The following CNTN4 variants were observed in gnomAD, a reference collection of about 807,000 sequenced individuals.
CNTN4 encodes contactin 4, also known as contactin-4.
CNTN4 carries 77 observed loss-of-function variants against 122.5 expected under a neutral mutation model. The ratio of observed to expected loss-of-function variants is 0.63; its 90% CI spans 0.52 to 0.76. The LOEUF is 0.76. CNTN4 is among the 30% of genes least tolerant of loss of function. The pLI, the probability that CNTN4 is intolerant of heterozygous loss-of-function variation, is 0.00. For missense variants in CNTN4, 1,256 were observed against 1,259.1 expected (o/e 1.00, Z 0.04); for synonymous variants, 512 against 447.0 (o/e 1.15, Z -1.83).
At chr3:2,276,149 C>A (rs1440807820) in intron 2 of CNTN4, among the ~76,000 whole-genome samples, 1 of 151,516 alleles carries the variant, frequency 6.6e-6, no homozygotes, top group Admixed American at 6.6e-5. Context: ...TTTTGAATAT[C>A]TTTTTGCTTA....
chr3:2,918,654 GTTTTA>G (rs2094395137), intron 12 of CNTN4, among the ~76,000 whole-genome samples: 1 of 152,122 alleles, frequency 6.6e-6, no homozygotes. Flanking sequence ...ATTCTTTGGT[GTTTTA>G]TTTTATTGTT....
chr3:2,759,673 T>C (rs1431687039), intron 6 of CNTN4, among the ~76,000 whole-genome samples: 2 of 151,964 alleles, frequency 1.3e-5, no homozygotes, highest in African/African-American at 4.8e-5. Context: ...TTACTGTATG[T>C]TTAACATACA....
At chr3:2,436,292 A>C (rs1403117398) in intron 3 of CNTN4, among the ~76,000 whole-genome samples, 1 of 152,158 alleles carries the variant, frequency 6.6e-6, no homozygotes, top group East Asian at 1.9e-4. Context: ...AAAGGAAGAT[A>C]ATGCCATCCA....
intron 2 of CNTN4, among the ~76,000 whole-genome samples, chr3:2,216,363 C>T (rs2038841566): frequency 6.6e-6 from 1 of 152,024 alleles, no homozygotes; most frequent in South Asian, 2.1e-4. Context: ...GATGTGGAAA[C>T]AACAGACACT....
At chr3:2,909,862 G>A (rs1011589659) in intron 12 of CNTN4, among the ~76,000 whole-genome samples, 2 of 152,182 alleles carry the variant, frequency 1.3e-5, no homozygotes, top group African/African-American at 4.8e-5. Context: ...TGTTGATGCT[G>A]ATGCTGCTTA....
At chr3:2,316,473 A>G (rs1224631009) in intron 2 of CNTN4, among the ~76,000 whole-genome samples, 1 of 152,136 alleles carries the variant, frequency 6.6e-6, no homozygotes, top group Non-Finnish European at 1.5e-5. Flanking sequence ...TATTGAACTA[A>G]TTTAAATAGA....
intron 7 of CNTN4, among the ~76,000 whole-genome samples, chr3:2,820,356 G>C (rs1049334266): frequency 6.6e-6 from 1 of 152,202 alleles, no homozygotes; most frequent in Non-Finnish European, 1.5e-5. Flanking sequence ...AACATATAGA[G>C]AGAGTGAGGT....
intron 12 of CNTN4, 121 bp from the exon 13 acceptor site, chr3:2,925,508 G>A (rs1257745981): frequency 2.9e-5 from 31 of 1,059,578 alleles, no homozygotes; most frequent in Non-Finnish European, 4.0e-5. Flanking sequence ...AGCCAAGATT[G>A]CACCACTGCA....
At chr3:2,941,424 C>T (rs933121175) in intron 13 of CNTN4, among the ~76,000 whole-genome samples, 7 of 152,200 alleles carry the variant, frequency 4.6e-5, no homozygotes, top group Admixed American at 1.3e-4. Flanking sequence ...AGAAGGAACT[C>T]ACTCCTGCCA....
At chr3:2,687,347 A>C (rs1227043192) in intron 4 of CNTN4, among the ~76,000 whole-genome samples, 1 of 24,378 alleles carries the variant, frequency 4.1e-5, no homozygotes, top group Non-Finnish European at 8.9e-5. Flanking sequence ...TGTCTTCTGT[A>C]GACATTTTAA....
chr3:2,946,188 C>T lies in CNTN4; in HGVS notation c.1358+20409C>T, dbSNP rs575235848. 3.3e-5 allele frequency among the ~76,000 whole-genome samples: 5 copies of T among 152,150 alleles called. No individual in the cohort carries two copies. In the South Asian group the frequency reaches 1.0e-3, roughly 32 times the overall value. ...CACTATTGTTGAAAATGGTTCATTG[C>T]ACACTGATTGTCAGAGGAAGTGGGG... On this transcript the variant is annotated intron_variant, in intron 13 of 24. Coordinates refer to ENST00000418658, the MANE Select transcript of CNTN4 (RefSeq NM_175607.3).
intron 2 of CNTN4, among the ~76,000 whole-genome samples, chr3:2,281,976 C>T (rs1197054465): frequency 6.6e-6 from 1 of 152,066 alleles, no homozygotes; most frequent in African/African-American, 2.4e-5. Context: ...ACATTTTCTC[C>T]AATAGCCACT....
intron 23 of CNTN4, 37 bp downstream of exon 23, chr3:3,043,741 G>T: frequency 7.5e-7 from 1 of 1,326,470 alleles, no homozygotes; most frequent in East Asian, 2.3e-5. Flanking sequence ...ACCTAATCGT[G>T]CTGTGAGTGG....
intron 6 of CNTN4, among the ~76,000 whole-genome samples, chr3:2,783,939 C>G (rs2091708660): frequency 6.6e-6 from 1 of 152,192 alleles, no homozygotes; most frequent in East Asian, 1.9e-4. Flanking sequence ...AGGTGCCATG[C>G]ATAATTCCCT....
At chr3:2,594,014 A>C (rs1296621493) in intron 4 of CNTN4, among the ~76,000 whole-genome samples, 3 of 152,196 alleles carry the variant, frequency 2.0e-5, no homozygotes, top group African/African-American at 7.2e-5. Context: ...CCAAATATGT[A>C]GTACCTTGAA....
intron 4 of CNTN4, among the ~76,000 whole-genome samples, chr3:2,578,252 C>A (rs977805780): frequency 6.6e-6 from 1 of 152,144 alleles, no homozygotes. Flanking sequence ...AGTAGGCTGT[C>A]TAAAGTTTGG....
Position 2,117,657 on chromosome 3 carries a change from C to T in CNTN4, c.-145+17018C>T, listed in dbSNP as rs1345756384. ...GCTAATTAGCATACAAAAGATTTTCCTTTGGAGGTCCCAAGGATTTTAGGA... is the reference window on the plus strand; with the variant it reads ...GCTAATTAGCATACAAAAGATTTTCTTTTGGAGGTCCCAAGGATTTTAGGA... On this transcript the variant is annotated intron_variant, in intron 2 of 24. Coordinates refer to ENST00000418658, the MANE Select transcript of CNTN4 (RefSeq NM_175607.3). Among the ~76,000 whole-genome samples the T allele has an allele frequency of 7.2e-5, 11 of 152,306 alleles. No individual in the cohort carries two copies. In the East Asian group the frequency reaches 2.1e-3, roughly 29 times the overall value.
intron 2 of CNTN4, among the ~76,000 whole-genome samples, chr3:2,220,392 A>G (rs892004157): frequency 1.3e-5 from 2 of 152,140 alleles, no homozygotes; most frequent in African/African-American, 4.8e-5. Flanking sequence ...TACCTTATTC[A>G]TAATATGTTT....
intron 5 of CNTN4, among the ~76,000 whole-genome samples, chr3:2,736,721 C>A (rs1009340738): frequency 5.9e-5 from 9 of 151,942 alleles, no homozygotes; most frequent in Non-Finnish European, 1.2e-4. Context: ...CTTCAGCCTC[C>A]CAAAGTGCTG....
Sources: gnomAD v4.1 joint callset for allele counts (sites outside exome capture counted in the v4.1 genomes callset) on GRCh38, gnomAD v4.1.1 for gene constraint, MANE v1.5 for transcripts, NCBI Gene and HGNC (gene_info 2026-07-23, HGNC 2026-07-21) for gene names.